The following PTPRD variants were observed in gnomAD, a reference collection of about 807,000 sequenced individuals.
The protein encoded by PTPRD is receptor-type tyrosine-protein phosphatase delta.
PTPRD carries 34 observed loss-of-function variants against 214.5 expected under a neutral mutation model. That is an observed-to-expected ratio of 0.16 (90% CI 0.12 to 0.21). The LOEUF is 0.21. Among genes scored for constraint, PTPRD ranks in the 10% least tolerant of loss-of-function variants. PTPRD has a pLI of 1.00. For synonymous variants in PTPRD, 1,128 were observed against 845.7 expected (o/e 1.33, Z -5.79); for missense variants, 2,545 against 2,398.7 (o/e 1.06, Z -1.27).
chr9:8,944,971 G>A (rs1288275281), intron 11 of PTPRD, among the ~76,000 whole-genome samples: 2 of 151,992 alleles, frequency 1.3e-5, no homozygotes, highest in African/African-American at 4.8e-5. Context: ...TTACTCTGAT[G>A]TGATTATGAC....
chr9:10,524,702 T>G (rs1326199395), intron 2 of PTPRD, among the ~76,000 whole-genome samples: 1 of 152,014 alleles, frequency 6.6e-6, no homozygotes, highest in Admixed American at 6.6e-5. Context: ...TTAAGAGGAG[T>G]GTTTTATCCC....
chr9:9,363,779 T>C (rs1016898944), intron 9 of PTPRD, among the ~76,000 whole-genome samples: 27 of 151,380 alleles, frequency 1.8e-4, no homozygotes, highest in Admixed American at 1.3e-3. Context: ...TTAGAAACCA[T>C]CGATATATTT....
intron 11 of PTPRD, among the ~76,000 whole-genome samples, chr9:8,880,411 T>C (rs568908199): frequency 4.6e-5 from 7 of 152,308 alleles, no homozygotes; most frequent in African/African-American, 1.7e-4. Context: ...CTACCTTTTC[T>C]CTTTCTTTCA....
chr9:9,538,161 A>T (rs1468084741), intron 8 of PTPRD, among the ~76,000 whole-genome samples: 2 of 151,864 alleles, frequency 1.3e-5, no homozygotes, highest in African/African-American at 4.8e-5. Context: ...TGGTGTTTCA[A>T]ATCACTAAAC....
chr9:8,967,811 G>A (rs2099207899), intron 11 of PTPRD, among the ~76,000 whole-genome samples: 1 of 151,958 alleles, frequency 6.6e-6, no homozygotes, highest in South Asian at 2.1e-4. Flanking sequence ...GTGCAGGTGT[G>A]TTACATATGT....
chr9:10,579,866 C>A (rs970528002), intron 2 of PTPRD, among the ~76,000 whole-genome samples: 4 of 152,068 alleles, frequency 2.6e-5, no homozygotes, highest in African/African-American at 9.7e-5. Flanking sequence ...CAACATTAAG[C>A]ATTTTTTCAC....
At chr9:8,449,658 A>T in intron 34 of PTPRD, 67 bp downstream of exon 34, 1 of 1,391,320 alleles carries the variant, frequency 7.2e-7, no homozygotes, top group Non-Finnish European at 1.0e-6. Flanking sequence ...TTCAACTCTT[A>T]ATATCAATTG....
At chr9:9,708,885 T>C (rs1184727630) in intron 7 of PTPRD, among the ~76,000 whole-genome samples, 3 of 152,074 alleles carry the variant, frequency 2.0e-5, no homozygotes, top group African/African-American at 7.2e-5. Context: ...TTTAAAATTA[T>C]AATTCTGCAA....
chr9:9,966,137 T>A (rs2094681030), intron 4 of PTPRD, among the ~76,000 whole-genome samples: 1 of 152,098 alleles, frequency 6.6e-6, no homozygotes, highest in African/African-American at 2.4e-5. Context: ...AAAGGATAGA[T>A]AAAAGGAGAC....
intron 5 of PTPRD, among the ~76,000 whole-genome samples, chr9:9,850,678 T>C (rs920626566): frequency 1.6e-4 from 24 of 152,308 alleles, no homozygotes; most frequent in African/African-American, 4.8e-4. Flanking sequence ...TGTTTTTTAT[T>C]GTGAGAACAC....
At chr9:9,153,503 T>C (rs1411334265) in intron 10 of PTPRD, among the ~76,000 whole-genome samples, 2 of 152,158 alleles carry the variant, frequency 1.3e-5, no homozygotes, top group African/African-American at 4.8e-5. Context: ...ATTTATAAAA[T>C]GTGAGAGGTC....
chr9:10,087,239 T>C (rs137941405), intron 3 of PTPRD, among the ~76,000 whole-genome samples: 30 of 151,692 alleles, frequency 2.0e-4, no homozygotes, highest in African/African-American at 7.2e-4. Context: ...CATACACATA[T>C]GCATATTGCA....
intron 11 of PTPRD, among the ~76,000 whole-genome samples, chr9:8,937,445 G>A (rs1237552658): frequency 6.6e-6 from 1 of 152,118 alleles, no homozygotes; most frequent in Non-Finnish European, 1.5e-5. Context: ...AAGTGCTCTA[G>A]TTCACCCAGA....
rs1007287045 is a variant in PTPRD, at chr9:9,092,483, G to T, written c.-142-73748C>A. ...TTACTCTTATGCTTCATGGACAAGG[G>T]AAGTGTATTCATAAAGTGAATAAAT... On this transcript the variant is annotated intron_variant, in intron 10 of 45. Coordinates refer to ENST00000381196, the MANE Select transcript of PTPRD (RefSeq NM_002839.4). 2.6e-5 allele frequency among the ~76,000 whole-genome samples: 4 copies of T among 151,988 alleles called. No homozygotes were observed. In the South Asian group the frequency reaches 6.2e-4, roughly 24 times the overall value.
At chr9:8,607,957 C>CATA (rs1310464165) in intron 14 of PTPRD, among the ~76,000 whole-genome samples, 1 of 152,140 alleles carries the variant, frequency 6.6e-6, no homozygotes. Context: ...TAACTCTATT[C>CATA]AAGTTAACAT....
intron 4 of PTPRD, among the ~76,000 whole-genome samples, chr9:10,020,212 G>GT (rs1244574067): frequency 1.3e-5 from 2 of 152,130 alleles, no homozygotes; most frequent in Non-Finnish European, 2.9e-5. Context: ...TTTGGACATT[G>GT]TTTTCTCTGT....
At chr9:8,566,916 A>G (rs1361365118) in intron 14 of PTPRD, among the ~76,000 whole-genome samples, 2 of 152,140 alleles carry the variant, frequency 1.3e-5, no homozygotes, top group Non-Finnish European at 2.9e-5. Flanking sequence ...TTGCTGCTCC[A>G]AGTAAAAACT....
intron 2 of PTPRD, among the ~76,000 whole-genome samples, chr9:10,547,791 C>T (rs2060476723): frequency 6.6e-6 from 1 of 151,846 alleles, no homozygotes; most frequent in Admixed American, 6.6e-5. Flanking sequence ...GAGGAAGTAA[C>T]AATGACAGAT....
chr9:9,504,703 A>C (rs1384008868), intron 8 of PTPRD, among the ~76,000 whole-genome samples: 1 of 151,650 alleles, frequency 6.6e-6, no homozygotes, highest in Non-Finnish European at 1.5e-5. Context: ...GAAAGGGAGA[A>C]ACAAACCTAT....
Sources: gnomAD v4.1 joint callset for allele counts (sites outside exome capture counted in the v4.1 genomes callset) on GRCh38, gnomAD v4.1.1 for gene constraint, MANE v1.5 for transcripts, NCBI Gene and HGNC (gene_info 2026-07-23, HGNC 2026-07-21) for gene names.